The following GPR149 variants were observed in gnomAD, a reference collection of about 807,000 sequenced individuals.
GPR149 encodes probable G protein-coupled receptor 149.
In GPR149, 50 loss-of-function variants were observed where a neutral mutation model predicts 50.2. The ratio of observed to expected loss-of-function variants is 1.00; its 90% CI spans 0.79 to 1.26. GPR149 has a LOEUF of 1.26. GPR149 is among the 50% of genes most tolerant of loss of function. GPR149 has a pLI of 0.00. For synonymous variants in GPR149, 405 were observed against 358.2 expected (o/e 1.13, Z -1.48); for missense variants, 983 against 895.4 (o/e 1.10, Z -1.25).
chr3:154,368,950 A>T lies in GPR149; in HGVS notation c.1624-30679T>A, dbSNP rs571452944. Among the ~76,000 whole-genome samples, 6 of 152,352 alleles carry T rather than the reference A, an allele frequency of 3.9e-5. No individual in the cohort carries two copies. The East Asian group carries it at 1.2e-3, about 29-fold the overall frequency. On this transcript the variant is annotated intron_variant, in intron 3 of 3. Transcript: ENST00000389740. ...GCAGAAGGATCACAATAAATCCAAC[A>T]GTCCTTGTGCCCCATTTAGTGGTCA... is the stretch of plus-strand genomic sequence containing the variant.
chr3:154,425,315 G>A (rs189574799), intron 2 of GPR149, among the ~76,000 whole-genome samples: 1 of 151,936 alleles, frequency 6.6e-6, no homozygotes, highest in African/African-American at 2.4e-5. Flanking sequence ...GACTGATAAA[G>A]GATGTAAAGA....
rs1713692565 is a variant in GPR149 at position 154,337,896 on chromosome 3, C to T, written c.1999G>A (p.Gly667Arg). ...KENRFVSCDLGETASYSLFLP... is the reference protein window; with the variant it reads ...KENRFVSCDLRETASYSLFLP... The stretch of plus-strand genomic sequence containing the variant: ...AAGAGGGAGTATGAGGCTGTTTCCC[C>T]TAGGTCACATGAAACAAATCTGTTT... The change falls in exon 4 of 4, where the codon GGG becomes AGG. Residue 667 changes from glycine (G) to arginine (R), a missense_variant. By Grantham distance (125) the Gly-to-Arg change is moderately radical (BLOSUM62 -2). Coordinates refer to ENST00000389740, the MANE Select transcript of GPR149 (RefSeq NM_001038705.3). 3 of 1,613,054 alleles carry T rather than the reference C, an allele frequency of 1.9e-6. No individual in the cohort carries two copies. Among genetic ancestry groups the T allele is most frequent in the African/African-American group, 1.3e-5 (1 of 74,890 alleles).
intron 3 of GPR149, among the ~76,000 whole-genome samples, chr3:154,359,342 G>A (rs1309790661): frequency 6.6e-6 from 1 of 152,088 alleles, no homozygotes; most frequent in Non-Finnish European, 1.5e-5. Flanking sequence ...AAGAAAGGAA[G>A]TTACATGCTA....
At chr3:154,393,826 T>A (rs1476914761) in intron 3 of GPR149, among the ~76,000 whole-genome samples, 1 of 151,852 alleles carries the variant, frequency 6.6e-6, no homozygotes, top group Non-Finnish European at 1.5e-5. Flanking sequence ...TACAATAGCA[T>A]CAAAAATAAT....
intron 3 of GPR149, among the ~76,000 whole-genome samples, chr3:154,340,363 G>A (rs1165007622): frequency 1.3e-5 from 2 of 152,156 alleles, no homozygotes; most frequent in African/African-American, 4.8e-5. Flanking sequence ...GTGAGACAGA[G>A]GGACCACACA....
chr3:154,371,637 T>C (rs1309819923), intron 3 of GPR149, among the ~76,000 whole-genome samples: 1 of 152,142 alleles, frequency 6.6e-6, no homozygotes, highest in African/African-American at 2.4e-5. Flanking sequence ...GCCCTAGACT[T>C]ATTAACAGCT....
At chr3:154,344,736 C>A (rs1713882424) in intron 3 of GPR149, among the ~76,000 whole-genome samples, 1 of 152,058 alleles carries the variant, frequency 6.6e-6, no homozygotes, top group Non-Finnish European at 1.5e-5. Context: ...TGGGAGCCAC[C>A]AGAAGCTAGG....
At chr3:154,422,449 CAT>C (rs1712173746) in intron 2 of GPR149, among the ~76,000 whole-genome samples, 1 of 151,582 alleles carries the variant, frequency 6.6e-6, no homozygotes, top group Non-Finnish European at 1.5e-5. Context: ...TTGTTTCAAA[CAT>C]ATTTTCTACT....
chr3:154,398,632 G>C (rs1359769248), intron 3 of GPR149, among the ~76,000 whole-genome samples: 1 of 152,100 alleles, frequency 6.6e-6, no homozygotes, highest in Non-Finnish European at 1.5e-5. Flanking sequence ...ATGGGGAAAT[G>C]AGGTAAGCAG....
chr3:154,426,557 A>G (rs1287560452), intron 2 of GPR149, among the ~76,000 whole-genome samples: 1 of 152,226 alleles, frequency 6.6e-6, no homozygotes, highest in Non-Finnish European at 1.5e-5. Context: ...TCTCAGATTA[A>G]TTAAGTGATA....
intron 3 of GPR149, among the ~76,000 whole-genome samples, chr3:154,351,086 G>A (rs1190269482): frequency 6.6e-6 from 1 of 151,946 alleles, no homozygotes; most frequent in African/African-American, 2.4e-5. Flanking sequence ...AGAGTTGACT[G>A]TATAATGGGA....
intron 3 of GPR149, among the ~76,000 whole-genome samples, chr3:154,348,421 G>A (rs567053854): frequency 6.6e-6 from 1 of 152,168 alleles, no homozygotes; most frequent in Non-Finnish European, 1.5e-5. Context: ...GATATATCAT[G>A]CAAACATCAA....
At position 154,337,542 on chromosome 3, in the gene GPR149, T is replaced by C; in HGVS notation, c.*157A>G. On this transcript the variant is annotated 3_prime_UTR_variant, in exon 4 of 4. Coordinates refer to ENST00000389740, the MANE Select transcript of GPR149 (RefSeq NM_001038705.3). Reference sequence around the variant, plus strand: ...AACACATCAAATGCACTTAAGTGTTTACACTAGTTCCAGTTGTTCCCACAA... The same window carrying C: ...AACACATCAAATGCACTTAAGTGTTCACACTAGTTCCAGTTGTTCCCACAA... The C allele has an allele frequency of 1.8e-6, 1 of 548,142 alleles. No individual in the cohort carries two copies. The highest frequency in any genetic ancestry group is 3.8e-5 in the South Asian group (1 of 26,436). 34.0% of individuals were successfully genotyped at this position (548,142 alleles called of 1,614,324 possible).
At chr3:154,396,046 C>T (rs73000747) in intron 3 of GPR149, among the ~76,000 whole-genome samples, 5,083 of 152,224 alleles carry the variant, frequency 0.033, 254 homozygotes, top group African/African-American at 0.12. Flanking sequence ...CTCATTGGAA[C>T]ATTTTGTTCC....
intron 3 of GPR149, among the ~76,000 whole-genome samples, chr3:154,374,402 G>T (rs544863470): frequency 4.6e-5 from 7 of 151,794 alleles, no homozygotes; most frequent in African/African-American, 1.7e-4. Context: ...CGAACTCCTG[G>T]ACTCAAGTGA....
At chr3:154,366,526 G>A (rs1178875486) in intron 3 of GPR149, among the ~76,000 whole-genome samples, 1 of 152,126 alleles carries the variant, frequency 6.6e-6, no homozygotes, top group African/African-American at 2.4e-5. Flanking sequence ...GGTCCAAAAA[G>A]AGACATTTAC....
chr3:154,412,097 A>G (rs2108424249), intron 3 of GPR149, among the ~76,000 whole-genome samples: 1 of 152,318 alleles, frequency 6.6e-6, no homozygotes. Flanking sequence ...AAAAACAAAA[A>G]TCACATAATC....
intron 3 of GPR149, among the ~76,000 whole-genome samples, chr3:154,355,643 G>A (rs1714201806): frequency 6.6e-6 from 1 of 152,114 alleles, no homozygotes; most frequent in Admixed American, 6.5e-5. Flanking sequence ...TTGAAAGAAA[G>A]CATACACTGA....
chr3:154,410,299 G>A (rs1711800611), intron 3 of GPR149, among the ~76,000 whole-genome samples: 1 of 151,954 alleles, frequency 6.6e-6, no homozygotes, highest in African/African-American at 2.4e-5. Context: ...AAATCTCATA[G>A]GACCTATATA....
Sources: gnomAD v4.1 joint callset for allele counts (sites outside exome capture counted in the v4.1 genomes callset) on GRCh38, gnomAD v4.1.1 for gene constraint, MANE v1.5 for transcripts, NCBI Gene and HGNC (gene_info 2026-07-23, HGNC 2026-07-21) for gene names.